Variants in SEM1 observed in about 807,000 individuals in gnomAD.
SEM1 encodes 26S proteasome complex subunit SEM1.
SEM1 carries 3 observed loss-of-function variants against 12.7 expected under a neutral mutation model. The observed-to-expected ratio is 0.24, with a 90% CI of 0.11 to 0.61. The LOEUF (loss-of-function observed/expected upper bound fraction) is 0.61. Among genes scored for constraint, SEM1 ranks in the 20% least tolerant of loss-of-function variants. SEM1 has a pLI of 0.88. For missense variants in SEM1, 59 were observed against 81.3 expected (o/e 0.73, Z 1.06); for synonymous variants, 30 against 27.8 (o/e 1.08, Z -0.25).
chr7:96,598,900 A>G (rs1807093062), intron 2 of SEM1, among the ~76,000 whole-genome samples: 1 of 152,210 alleles, frequency 6.6e-6, no homozygotes, highest in Non-Finnish European at 1.5e-5. Flanking sequence ...CAGTACCTCC[A>G]TAATCTCTCT....
intron 2 of SEM1, among the ~76,000 whole-genome samples, chr7:96,598,229 TAG>T (rs1584795946): frequency 6.6e-6 from 1 of 152,134 alleles, no homozygotes; most frequent in East Asian, 1.9e-4. Flanking sequence ...AATGAACTGG[TAG>T]AGTCAGGGAT....
chr7:96,549,279 G>A (rs556221109), intron 2 of SEM1, among the ~76,000 whole-genome samples: 26 of 152,206 alleles, frequency 1.7e-4, no homozygotes, highest in East Asian at 3.9e-4. Flanking sequence ...CTCAGTCCCC[G>A]GCAAACTGAG....
chr7:96,688,643 TAA>T (rs890881001), downstream of SEM1: 108 of 193,724 alleles, frequency 5.6e-4, no homozygotes, highest in East Asian at 8.2e-4. Context: ...CAGTTAACAT[TAA>T]AAAAAAAAAA....
chr7:96,699,621 C>G (rs930592616), intron 1 of SEM1, among the ~76,000 whole-genome samples: 15 of 152,302 alleles, frequency 9.8e-5, no homozygotes, highest in African/African-American at 3.6e-4. Context: ...TACACCTTTT[C>G]CCTTCTTTTG....
intron 2 of SEM1, among the ~76,000 whole-genome samples, chr7:96,514,922 T>G (rs1386971486): frequency 6.6e-6 from 1 of 152,118 alleles, no homozygotes; most frequent in African/African-American, 2.4e-5. Context: ...AAAATTTATA[T>G]GGAAAGGCAA....
chr7:96,692,892 A>G (rs1789970854), intron 2 of SEM1, among the ~76,000 whole-genome samples: 1 of 152,130 alleles, frequency 6.6e-6, no homozygotes, highest in African/African-American at 2.4e-5. Flanking sequence ...AAGGCTCTGG[A>G]TAATTACATC....
chr7:96,541,441 T>TG (rs1313950045), intron 2 of SEM1, among the ~76,000 whole-genome samples: 24 of 133,084 alleles, frequency 1.8e-4, no homozygotes, highest in African/African-American at 5.0e-4. Context: ...GTTTTTTTTT[T>TG]TGTTTTTTTT....
At chr7:96,599,937 A>G (rs902032150) in intron 2 of SEM1, among the ~76,000 whole-genome samples, 3 of 152,226 alleles carry the variant, frequency 2.0e-5, no homozygotes, top group African/African-American at 7.2e-5. Context: ...TTATCTAAAC[A>G]TCTGCTACTC....
intron 2 of SEM1, among the ~76,000 whole-genome samples, chr7:96,557,900 G>A (rs923847199): frequency 6.6e-6 from 1 of 152,204 alleles, no homozygotes; most frequent in Admixed American, 6.5e-5. Flanking sequence ...GTGGTGAGCC[G>A]TTTTTTAAGG....
At chr7:96,495,231 T>C (rs530740689) in intron 1 of SEM1, among the ~76,000 whole-genome samples, 25 of 152,294 alleles carry the variant, frequency 1.6e-4, no homozygotes, top group African/African-American at 6.0e-4. Flanking sequence ...TTAGCTCATT[T>C]CCATCTCCTA....
downstream of SEM1, among the ~76,000 whole-genome samples, chr7:96,620,829 T>G (rs995168179): frequency 1.4e-5 from 2 of 140,490 alleles, no homozygotes; most frequent in Non-Finnish European, 3.2e-5. Flanking sequence ...CTATGTTATG[T>G]TTTTTTTAGT....
chr7:96,557,851 G>T (rs1805572317), intron 2 of SEM1, among the ~76,000 whole-genome samples: 1 of 152,162 alleles, frequency 6.6e-6, no homozygotes, highest in South Asian at 2.1e-4. Context: ...AGGCTCCGTG[G>T]GCGTAGGACC....
intron 2 of SEM1, among the ~76,000 whole-genome samples, chr7:96,659,311 A>C (rs900956869): frequency 7.9e-5 from 12 of 152,244 alleles, no homozygotes; most frequent in African/African-American, 2.9e-4. Flanking sequence ...TATAGCAATA[A>C]GGGAAACTAG....
intron 2 of SEM1, among the ~76,000 whole-genome samples, chr7:96,587,678 G>A (rs1462353063): frequency 1.3e-5 from 2 of 151,102 alleles, no homozygotes; most frequent in Non-Finnish European, 2.9e-5. Context: ...CCAGGAAAAT[G>A]GACATTCTGA....
At chr7:96,497,261 A>AT (rs986898483), upstream of SEM1, among the ~76,000 whole-genome samples, 5 of 151,964 alleles carry the variant, frequency 3.3e-5, no homozygotes, top group Non-Finnish European at 7.4e-5. Flanking sequence ...AAAAAATCAA[A>AT]TTTTTTTCTT....
chr7:96,571,860 G>A (rs541805726), intron 2 of SEM1, among the ~76,000 whole-genome samples: 4 of 152,168 alleles, frequency 2.6e-5, no homozygotes, highest in Admixed American at 2.0e-4. Context: ...AATAGTTTCA[G>A]AAGGAATGGT....
chr7:96,615,875 A>G (rs1223827251), intron 2 of SEM1, among the ~76,000 whole-genome samples: 3 of 152,200 alleles, frequency 2.0e-5, no homozygotes, highest in South Asian at 2.1e-4. Context: ...ATGGCCTCCA[A>G]CCCAAAAATG....
intron 2 of SEM1, among the ~76,000 whole-genome samples, chr7:96,522,732 C>CCA (rs566118443): frequency 1.1e-4 from 14 of 129,568 alleles, no homozygotes; most frequent in African/African-American, 3.6e-4. Flanking sequence ...ACCCCCCCCC[C>CCA]AAAAAAAAAT....
chr7:96,490,314 G>T (rs1408431573), intron 1 of SEM1, among the ~76,000 whole-genome samples: 3 of 152,084 alleles, frequency 2.0e-5, no homozygotes, highest in African/African-American at 7.2e-5. Context: ...AACAACAAAA[G>T]ATATTGAAGG....
Sources: gnomAD v4.1 joint callset for allele counts (sites outside exome capture counted in the v4.1 genomes callset) on GRCh38, gnomAD v4.1.1 for gene constraint, MANE v1.5 for transcripts, NCBI Gene and HGNC (gene_info 2026-07-23, HGNC 2026-07-21) for gene names.